PRMT8: variants seen among roughly 807,000 people sequenced by gnomAD.
PRMT8 encodes protein arginine methyltransferase 8.
PRMT8 carries 7 observed loss-of-function variants against 47.1 expected under a neutral mutation model. That is an observed-to-expected ratio of 0.15 (90% CI 0.08 to 0.28). PRMT8 has a LOEUF of 0.28. Ranked by LOEUF, PRMT8 falls within the 10% of genes least tolerant of loss-of-function variation. The pLI is 1.00. For synonymous variants in PRMT8, 188 were observed against 186.5 expected (o/e 1.01, Z -0.07); for missense variants, 237 against 505.4 (o/e 0.47, Z 5.09).
At chr12:3,483,675 G>A (rs528935226) in intron 1 of PRMT8, among the ~76,000 whole-genome samples, 1 of 152,286 alleles carries the variant, frequency 6.6e-6, no homozygotes, top group East Asian at 1.9e-4. Flanking sequence ...GTATGTCTGA[G>A]CAGCCCGTTA....
At chr12:3,411,808 A>G (rs1381186794) in intron 1 of PRMT8, among the ~76,000 whole-genome samples, 2 of 152,242 alleles carry the variant, frequency 1.3e-5, no homozygotes, top group Non-Finnish European at 2.9e-5. Flanking sequence ...GGAAGGAGGC[A>G]CACACAAGGT....
At chr12:3,434,056 GGAAGGGAGAAT>G (rs1864711332) in intron 1 of PRMT8, among the ~76,000 whole-genome samples, 1 of 152,228 alleles carries the variant, frequency 6.6e-6, no homozygotes, top group African/African-American at 2.4e-5. Context: ...GGCGGGAGCA[GGAAGGGAGAAT>G]GAAAAGGAAC....
At chr12:3,494,738 AC>A (rs1865479622) in intron 1 of PRMT8, among the ~76,000 whole-genome samples, 2 of 152,170 alleles carry the variant, frequency 1.3e-5, no homozygotes, top group African/African-American at 4.8e-5. Context: ...AAAGCGAAGT[AC>A]CCAGCTAGGG....
At position 3,552,463 on chromosome 12, in the gene PRMT8, A is replaced by G. The variant is rs562152882; in HGVS notation, c.418-1188A>G. ...AAGGGCAGTGGCCAGGCATAAATCC[A>G]GGCCTGGCTCCGGGTCGCATGCTCC... On this transcript the variant is annotated intron_variant, in intron 3 of 9. Coordinates refer to ENST00000382622, the MANE Select transcript of PRMT8 (RefSeq NM_019854.5). The surrounding 1 kb of genome is among the most constrained non-coding windows in gnomAD (Gnocchi z 4.5). 16 of 272,702 alleles carry G rather than the reference A, an allele frequency of 5.9e-5. No homozygotes were observed. The highest frequency in any genetic ancestry group is 5.3e-4 in the South Asian group (15 of 28,158). The allele number at this position is 272,702 out of a possible 1,614,324, so 16.9% of individuals were successfully genotyped here.
chr12:3,577,089 G>A, intron 7 of PRMT8, 103 bp downstream of exon 7: 1 of 973,810 alleles, frequency 1.0e-6, no homozygotes, highest in Non-Finnish European at 1.6e-6. Flanking sequence ...CACCTGGTGA[G>A]GCAAGGCTGC....
intron 4 of PRMT8, 35 bp downstream of exon 4, chr12:3,553,749 G>T: frequency 6.6e-7 from 1 of 1,523,606 alleles, no homozygotes. Flanking sequence ...CTCCTGGATG[G>T]AGGGGACGGG....
chr12:3,405,453 TC>T (rs1175215257), intron 1 of PRMT8, among the ~76,000 whole-genome samples: 5 of 152,008 alleles, frequency 3.3e-5, no homozygotes, highest in Admixed American at 6.6e-5. Context: ...CTTCTAACAG[TC>T]CCCCCAAATC....
intron 1 of PRMT8, among the ~76,000 whole-genome samples, chr12:3,477,738 C>T (rs1192435457): frequency 6.6e-6 from 1 of 152,150 alleles, no homozygotes; most frequent in Non-Finnish European, 1.5e-5. Flanking sequence ...CATAAAGTCC[C>T]CACTGCTCCT....
At chr12:3,470,472 G>T (rs1865148735) in intron 1 of PRMT8, among the ~76,000 whole-genome samples, 1 of 152,132 alleles carries the variant, frequency 6.6e-6, no homozygotes, top group Non-Finnish European at 1.5e-5. Context: ...CCTTCCCCAG[G>T]CTGTCTACCA....
rs1032072117 is a variant in PRMT8, at chr12:3,566,091, A to G, written c.482-2615A>G. 6.6e-6 allele frequency among the ~76,000 whole-genome samples: 1 copy of G among 152,172 alleles called. No homozygotes were observed. Among genetic ancestry groups the G allele is most frequent in the South Asian group, 2.1e-4 (1 of 4,818 alleles). On this transcript the variant is annotated intron_variant, in intron 4 of 9. Transcript: ENST00000382622. This position sits in a 1 kb window ranked among gnomAD's most constrained non-coding sequence, Gnocchi z 4.7. Reference sequence around the variant, plus strand: ...AAGAACCTTCAAGAAACGTGCAAAGAAAAAAAAGTAAGGGAGGCCATTAAA... The same window carrying G: ...AAGAACCTTCAAGAAACGTGCAAAGGAAAAAAAGTAAGGGAGGCCATTAAA...
chr12:3,584,446 C>T (rs1188661477), intron 8 of PRMT8, among the ~76,000 whole-genome samples: 2 of 152,212 alleles, frequency 1.3e-5, no homozygotes, highest in African/African-American at 4.8e-5. Flanking sequence ...TGTCTCAGCT[C>T]AGGGGTTACC....
chr12:3,542,813 A>G (rs760279737), intron 2 of PRMT8, among the ~76,000 whole-genome samples: 12 of 152,202 alleles, frequency 7.9e-5, no homozygotes, highest in African/African-American at 2.4e-4. Flanking sequence ...ACCGATCTCT[A>G]TAATTCCTTT....
rs115180664 is a variant in PRMT8 at position 3,535,225 on chromosome 12, C to T, written c.76-5381C>T. On this transcript the variant is annotated intron_variant, in intron 1 of 9. Transcript: ENST00000382622. This position sits in a 1 kb window ranked among gnomAD's most constrained non-coding sequence, Gnocchi z 4.7. ...CTTCCTCCTGTCTCCAGCTCTGCTG[C>T]GTCCATAACCTTTCATCTCTGCATT... Among the ~76,000 whole-genome samples, 259 of 152,352 alleles carry T rather than the reference C, an allele frequency of 1.7e-3. 2 individuals are homozygous for T. The highest frequency in any genetic ancestry group is 6.0e-3 in the African/African-American group (250 of 41,590).
At chr12:3,515,931 T>G (rs7972248) in intron 1 of PRMT8, among the ~76,000 whole-genome samples, 1 of 152,112 alleles carries the variant, frequency 6.6e-6, no homozygotes, top group Admixed American at 6.5e-5. Context: ...CTCTGTCTTT[T>G]GCTGCTCTTC....
At chr12:3,405,448 A>G (rs892725069) in intron 1 of PRMT8, among the ~76,000 whole-genome samples, 2 of 152,204 alleles carry the variant, frequency 1.3e-5, no homozygotes, top group African/African-American at 2.4e-5. Context: ...ATGCCCTTCT[A>G]ACAGTCCCCC....
chr12:3,457,399 T>C (rs1009665284), intron 1 of PRMT8, among the ~76,000 whole-genome samples: 2 of 152,200 alleles, frequency 1.3e-5, no homozygotes, highest in Non-Finnish European at 2.9e-5. Context: ...AACCTTGAAC[T>C]CTTGACTCAA....
chr12:3,527,596 C>T (rs1865966960), intron 1 of PRMT8, among the ~76,000 whole-genome samples: 1 of 152,112 alleles, frequency 6.6e-6, no homozygotes, highest in African/African-American at 2.4e-5. Context: ...ATCACCATTC[C>T]TCCCCTTTTG....
Position 3,461,324 on chromosome 12 carries a change from A to G in PRMT8, c.49-79282A>G, listed in dbSNP as rs115806806. ...AAGCTCTACTTTGGAGGAATGGAGA[A>G]GAGATGGAAAAGTGAGGCTATGAGC... On this transcript the variant is annotated intron_variant, in intron 1 of 9. Coordinates refer to the PRMT8 transcript ENST00000452611. Among the ~76,000 whole-genome samples, 803 of 152,328 alleles carry G rather than the reference A, an allele frequency of 5.3e-3. 9 individuals carry two copies. Among genetic ancestry groups the G allele is most frequent in the African/African-American group, 0.018 (758 of 41,570 alleles).
At chr12:3,510,428 A>C (rs1191872637) in intron 1 of PRMT8, among the ~76,000 whole-genome samples, 1 of 152,230 alleles carries the variant, frequency 6.6e-6, no homozygotes, top group Non-Finnish European at 1.5e-5. Flanking sequence ...TCCCAACACA[A>C]AGCAATGACA....
Sources: allele counts gnomAD v4.1 joint callset (sites outside exome capture counted in the v4.1 genomes callset), GRCh38; gene constraint gnomAD v4.1.1; non-coding constraint Gnocchi (gnomAD v3.1); transcripts MANE v1.5; gene names NCBI Gene and HGNC (gene_info 2026-07-23, HGNC 2026-07-21).